LRRC1: variants seen among roughly 807,000 people sequenced by gnomAD.
The protein encoded by LRRC1 is leucine rich repeat containing 1.
A neutral mutation model predicts 69.9 loss-of-function variants in LRRC1; 28 were observed. The ratio of observed to expected loss-of-function variants is 0.40; its 90% CI spans 0.30 to 0.55. The LOEUF (loss-of-function observed/expected upper bound fraction) is 0.55. Among genes scored for constraint, LRRC1 ranks in the 20% least tolerant of loss-of-function variants. LRRC1 has a pLI of 0.47. For synonymous variants in LRRC1, 236 were observed against 240.2 expected, an observed-to-expected ratio of 0.98 and a Z score of 0.16; for missense variants, 498 against 609.0, an observed-to-expected ratio of 0.82 and a Z score of 1.92.
intron 1 of LRRC1, among the ~76,000 whole-genome samples, chr6:53,798,456 G>A (rs2127400891): frequency 6.6e-6 from 1 of 152,336 alleles, no homozygotes; most frequent in Middle Eastern, 3.4e-3. Flanking sequence ...TCCACTCACT[G>A]CAAGCTCCTC....
chr6:53,885,745 T>G (rs1283870441), intron 4 of LRRC1, among the ~76,000 whole-genome samples: 27 of 152,162 alleles, frequency 1.8e-4, no homozygotes, highest in Admixed American at 1.6e-3. Context: ...GGTAAAAGCC[T>G]TTATATAGAG....
At chr6:53,801,518 T>G (rs542943444) in intron 1 of LRRC1, among the ~76,000 whole-genome samples, 1 of 152,274 alleles carries the variant, frequency 6.6e-6, no homozygotes, top group East Asian at 1.9e-4. Context: ...ATAGTGCTGA[T>G]CTATACATTT....
intron 1 of LRRC1, among the ~76,000 whole-genome samples, chr6:53,840,437 A>G (rs1411042237): frequency 1.3e-5 from 2 of 152,000 alleles, no homozygotes; most frequent in Non-Finnish European, 2.9e-5. Context: ...GAGTTCTAAC[A>G]TCTTATGGTA....
At chr6:53,890,887 A>G (rs1767657063) in intron 4 of LRRC1, among the ~76,000 whole-genome samples, 1 of 152,168 alleles carries the variant, frequency 6.6e-6, no homozygotes, top group Non-Finnish European at 1.5e-5. Flanking sequence ...TGTTTGGTCT[A>G]CCTTAATGTG....
At chr6:53,821,535 T>A (rs1469029811) in intron 1 of LRRC1, among the ~76,000 whole-genome samples, 1 of 152,216 alleles carries the variant, frequency 6.6e-6, no homozygotes, top group Admixed American at 6.5e-5. Context: ...GGAGTGCCTG[T>A]CATGGAGGGC....
rs570500193 is a variant in LRRC1, at chr6:53,818,861, T to G, written c.160-23249T>G. Among the ~76,000 whole-genome samples, 8 of 152,316 alleles carry G rather than the reference T, an allele frequency of 5.3e-5. No homozygotes were observed. The South Asian group carries it at 8.3e-4, about 16-fold the overall frequency. ...TCATTTCATAAATGCTTTTATTTTT[T>G]GGGGTGTGAATTACTCAAGGCAGAG... is the stretch of plus-strand genomic sequence containing the variant. On this transcript the variant is annotated intron_variant, in intron 1 of 13. Coordinates refer to ENST00000370888, the MANE Select transcript of LRRC1 (RefSeq NM_018214.5).
chr6:53,902,177 G>A (rs542336087), intron 8 of LRRC1, among the ~76,000 whole-genome samples: 11 of 152,256 alleles, frequency 7.2e-5, no homozygotes, highest in African/African-American at 2.4e-4. Flanking sequence ...AGAGGTTACC[G>A]CTTTATTCTG....
chr6:53,867,279 G>A (rs933478037), intron 2 of LRRC1, among the ~76,000 whole-genome samples: 7 of 152,168 alleles, frequency 4.6e-5, no homozygotes, highest in Non-Finnish European at 8.8e-5. Flanking sequence ...AAGTTCTGCC[G>A]CTGCAGTTTT....
intron 1 of LRRC1, among the ~76,000 whole-genome samples, chr6:53,824,989 G>A (rs759011722): frequency 4.6e-5 from 7 of 152,144 alleles, no homozygotes; most frequent in African/African-American, 7.2e-5. Flanking sequence ...GCCATGCCAC[G>A]CCAGTCTAAT....
chr6:53,908,450 C>T (rs1768307316), intron 10 of LRRC1, among the ~76,000 whole-genome samples: 1 of 152,114 alleles, frequency 6.6e-6, no homozygotes, highest in African/African-American at 2.4e-5. Context: ...GATAGTTTTT[C>T]TGCCTTCTTA....
At chr6:53,884,108 T>C in intron 4 of LRRC1, 2 of 671,870 alleles carry the variant, frequency 3.0e-6, no homozygotes, top group Non-Finnish European at 5.4e-6. Context: ...CAATACACTC[T>C]AGGTGTATGG....
chr6:53,871,748 A>C (rs1050260520), intron 2 of LRRC1, among the ~76,000 whole-genome samples: 79 of 151,888 alleles, frequency 5.2e-4, no homozygotes, highest in Non-Finnish European at 9.9e-4. Context: ...GCTCACTGCA[A>C]CCTCTGCCTC....
intron 2 of LRRC1, among the ~76,000 whole-genome samples, chr6:53,850,910 A>G (rs1766106550): frequency 6.6e-6 from 1 of 152,212 alleles, no homozygotes; most frequent in South Asian, 2.1e-4. Flanking sequence ...AATTGCATCT[A>G]GGAAATTTTT....
chr6:53,853,538 G>A (rs1766213232), intron 2 of LRRC1, among the ~76,000 whole-genome samples: 1 of 152,066 alleles, frequency 6.6e-6, no homozygotes, highest in Non-Finnish European at 1.5e-5. Flanking sequence ...ACCTGCCTTG[G>A]CCTCCCAAAG....
chr6:53,834,988 A>G (rs866110166), intron 1 of LRRC1, among the ~76,000 whole-genome samples: 1 of 152,154 alleles, frequency 6.6e-6, no homozygotes, highest in South Asian at 2.1e-4. Context: ...AAAAATAAAT[A>G]AATAAAAGTA....
At chr6:53,804,244 TTTTTA>T (rs1424832560) in intron 1 of LRRC1, among the ~76,000 whole-genome samples, 2 of 152,324 alleles carry the variant, frequency 1.3e-5, no homozygotes, top group African/African-American at 4.8e-5. Flanking sequence ...GTATTAAATT[TTTTTA>T]TTTTATTTTT....
rs1050472674 is a variant in LRRC1 at position 53,902,871 on chromosome 6, T to C, written c.906+124T>C. The stretch of plus-strand genomic sequence containing the variant: ...TCCCAAAACGGTCTTACAAAGCAAA[T>C]GCATGACCTAAAGATCAGTTTTTAA... On this transcript the variant is annotated intron_variant, in intron 9 of 13. Transcript: ENST00000370888. 7 of 626,758 alleles carry C rather than the reference T, an allele frequency of 1.1e-5. No homozygotes were observed. The African/African-American group carries it at 1.3e-4, about 12-fold the overall frequency. 38.8% of individuals were successfully genotyped at this position (626,758 alleles called of 1,614,324 possible).
chr6:53,822,683 G>A (rs575364296), intron 1 of LRRC1, among the ~76,000 whole-genome samples: 2 of 152,262 alleles, frequency 1.3e-5, no homozygotes, highest in East Asian at 3.9e-4. Context: ...TCTGTCACTG[G>A]CAAAGAATTG....
In LRRC1 at chr6:53,920,667, A is replaced by G. The variant is rs760325227; in HGVS notation, c.1322A>G (p.Asp441Gly). The change falls in exon 13 of 14, where the codon GAT becomes GGT. Residue 441 changes from aspartate to glycine, a missense_variant. By Grantham distance (94) the Asp-to-Gly change is moderately conservative. This residue lies in a region of LRRC1 where 162 missense variants were observed against 162.9 expected (regional missense o/e 0.99). Transcript: ENST00000370888. ...GGTGCACTGGAGAACTTGGTAAATG[A>G]TGTCTCTGATGAAGCCTGGAACGAG... ...RCGALENLVN[D>G]VSDEAWNERA... 128 of 1,614,048 alleles carry G rather than the reference A, an allele frequency of 7.9e-5. No homozygotes were observed. The highest frequency in any genetic ancestry group is 1.0e-4 in the Non-Finnish European group (120 of 1,180,026).
Sources: allele counts gnomAD v4.1 joint callset (sites outside exome capture counted in the v4.1 genomes callset), GRCh38; gene constraint gnomAD v4.1.1; regional missense constraint gnomAD v4.1.1; transcripts MANE v1.5; gene names NCBI Gene and HGNC (gene_info 2026-07-23, HGNC 2026-07-21).